Variants in CUBN observed in about 807,000 individuals in gnomAD.
CUBN encodes 460 kDa receptor.
In CUBN, 282 loss-of-function variants were observed where a neutral mutation model predicts 405.3. That is an observed-to-expected ratio of 0.70 (90% confidence interval 0.63 to 0.77). The LOEUF (loss-of-function observed/expected upper bound fraction) is 0.77, where lower values mean the gene tolerates loss of function less well. Among genes scored for constraint, CUBN ranks in the 30% least tolerant of loss-of-function variants. CUBN has a pLI of 0.00. For missense variants in CUBN, 4,514 were observed against 4,475.2 expected (o/e 1.01, Z -0.25); for synonymous variants, 1,684 against 1,617.0 (o/e 1.04, Z -0.99).
intron 27 of CUBN, among the ~76,000 whole-genome samples, chr10:17,026,066 C>T (rs1038155797): frequency 2.0e-5 from 3 of 152,156 alleles, no homozygotes; most frequent in Non-Finnish European, 2.9e-5. Context: ...TTGGGTCCTA[C>T]CCAGCCCTGT....
At chr10:16,919,627 A>G (rs1841977792) in intron 44 of CUBN, among the ~76,000 whole-genome samples, 2 of 152,200 alleles carry the variant, frequency 1.3e-5, no homozygotes, top group Admixed American at 1.3e-4. Flanking sequence ...GTGACACCGA[A>G]TATGAGGCTG....
Position 16,972,430 on chromosome 10 carries a change from CTCA to C in CUBN, c.4695+10051_4695+10053del, listed in dbSNP as rs1274477988. ...CTACTCCCTTTACTCAGTTAATGGC[CTCA>C]TCATTCACAATTTTTTTTTTTTTTG... On this transcript the variant is annotated intron_variant, in intron 31 of 66. Transcript: ENST00000377833. Among the ~76,000 whole-genome samples, 4 of 143,472 alleles carry C rather than the reference CTCA, an allele frequency of 2.8e-5. No individual in the cohort carries two copies. The East Asian group carries it at 8.5e-4, about 31-fold the overall frequency. 94.1% of individuals were successfully genotyped at this position (143,472 alleles called of 152,430 possible).
intron 50 of CUBN, among the ~76,000 whole-genome samples, 181 bp downstream of exon 50, chr10:16,906,022 G>A (rs1482805595): frequency 6.6e-6 from 1 of 152,180 alleles, no homozygotes; most frequent in Non-Finnish European, 1.5e-5. Flanking sequence ...ACTGAGGCAA[G>A]AGGATCACCT....
At chr10:17,067,404 C>T (rs1835633988) in intron 21 of CUBN, among the ~76,000 whole-genome samples, 1 of 151,970 alleles carries the variant, frequency 6.6e-6, no homozygotes, top group Admixed American at 6.6e-5. Context: ...GCAGATTAGA[C>T]ATTGCATAAG....
intron 5 of CUBN, 152 bp downstream of exon 5, chr10:17,123,436 T>TG: frequency 1.4e-6 from 1 of 711,082 alleles, no homozygotes; most frequent in South Asian, 1.6e-5. Flanking sequence ...CACCACTGTT[T>TG]GGGTTTTAGC....
At position 16,954,600 on chromosome 10, in the gene CUBN, C is replaced by CCT. The variant is rs1320098847; in HGVS notation, c.4696-54_4696-53dup. On this transcript the variant is annotated intron_variant, in intron 31 of 66. Coordinates refer to ENST00000377833, the MANE Select transcript of CUBN (RefSeq NM_001081.4). ...GTGGTTCAGATTCACATCTAGAAGG[C>CCT]CTGTATTCCACGAACTGTCTGCACG... 2.5e-6 allele frequency: 4 copies of CCT among 1,595,682 alleles called. No homozygotes were observed. In the African/African-American group the frequency reaches 4.0e-5, roughly 16 times the overall value.
intron 4 of CUBN, among the ~76,000 whole-genome samples, chr10:17,125,431 G>GT (rs1837157507): frequency 6.6e-6 from 1 of 152,084 alleles, no homozygotes; most frequent in African/African-American, 2.4e-5. Flanking sequence ...ACGTCTGGGG[G>GT]TCTCTTTATG....
intron 56 of CUBN, among the ~76,000 whole-genome samples, chr10:16,883,043 A>AAAAAGAAGG (rs1840707951): frequency 1.3e-5 from 2 of 151,752 alleles, no homozygotes; most frequent in Admixed American, 1.3e-4. Context: ...GGAAGGAAGG[A>AAAAAGAAGG]AAAAGAAGGA....
At chr10:16,924,247 A>G (rs1343309141) in intron 43 of CUBN, among the ~76,000 whole-genome samples, 1 of 152,140 alleles carries the variant, frequency 6.6e-6, no homozygotes, top group Admixed American at 6.6e-5. Flanking sequence ...CAGCATCAAG[A>G]GATGGAGGGA....
chr10:17,123,403 T>G, intron 5 of CUBN, 185 bp downstream of exon 5: 1 of 641,368 alleles, frequency 1.6e-6, no homozygotes, highest in African/African-American at 1.8e-5. Flanking sequence ...GCTTTAGTAT[T>G]TGGTGGGTTA....
At chr10:17,118,948 C>T (rs1001258068) in intron 6 of CUBN, among the ~76,000 whole-genome samples, 2 of 152,084 alleles carry the variant, frequency 1.3e-5, no homozygotes, top group Non-Finnish European at 1.5e-5. Flanking sequence ...CCTTTTATTG[C>T]CAACTTGGTT....
intron 3 of CUBN, among the ~76,000 whole-genome samples, chr10:17,127,246 GTCTC>G (rs1188395787): frequency 1.6e-5 from 2 of 125,272 alleles, no homozygotes; most frequent in South Asian, 2.7e-4. Context: ...CTCTCTTTCT[GTCTC>G]TCTCTCTCTC....
In CUBN at chr10:16,925,691, A is replaced by G; in HGVS notation, c.6355T>C (p.Ser2119Pro). 6.2e-7 allele frequency: 1 copy of G among 1,614,048 alleles called. No individual in the cohort carries two copies. The highest frequency in any genetic ancestry group is 8.5e-7 in the Non-Finnish European group (1 of 1,179,958). Residue 2119 changes from serine (S) to proline (P), a missense_variant, in exon 42 of 67, where the codon TCT (serine) becomes CCT (proline). Ser to Pro is a moderately conservative substitution (Grantham distance 74). This residue lies in a region of CUBN where 1,613 missense variants were observed against 1,542.8 expected (regional missense o/e 1.05). Coordinates refer to ENST00000377833, the MANE Select transcript of CUBN (RefSeq NM_001081.4). Reference sequence around the variant, plus strand: ...CCACTTTGGACCAGGACGTGCCAAGAACAGTTGAGGTTGGATGGGTAAGTC... The same window carrying G: ...CCACTTTGGACCAGGACGTGCCAAGGACAGTTGAGGTTGGATGGGTAAGTC... ...PETYPSNLNC[S>P]WHVLVQSGLT...
chr10:16,852,117 A>C (rs1326231992), intron 59 of CUBN, among the ~76,000 whole-genome samples: 26 of 33,580 alleles, frequency 7.7e-4, no homozygotes, highest in Admixed American at 1.2e-3. Context: ...CCCTCCCTCC[A>C]TCTTTCCCTC....
chr10:17,066,567 T>C (rs1835617866), intron 21 of CUBN, among the ~76,000 whole-genome samples: 1 of 152,052 alleles, frequency 6.6e-6, no homozygotes, highest in Admixed American at 6.6e-5. Flanking sequence ...AAAATAAAGG[T>C]AGGTGAACTA....
At chr10:16,948,367 T>A in intron 35 of CUBN, 111 bp downstream of exon 35, 1 of 1,411,646 alleles carries the variant, frequency 7.1e-7, no homozygotes, top group South Asian at 1.2e-5. Context: ...GGCCCAGAGG[T>A]GATCTCAGGA....
At chr10:16,832,801 G>A (rs906535611) in intron 64 of CUBN, among the ~76,000 whole-genome samples, 2 of 152,112 alleles carry the variant, frequency 1.3e-5, no homozygotes, top group East Asian at 1.9e-4. Context: ...CTCGGCCCTC[G>A]CTTGGTAGTA....
intron 62 of CUBN, among the ~76,000 whole-genome samples, chr10:16,839,472 T>C (rs1212194885): frequency 2.6e-5 from 4 of 151,062 alleles, no homozygotes; most frequent in Non-Finnish European, 3.0e-5. Context: ...AAAATGCTCA[T>C]CATCACTAGC....
At chr10:16,965,151 T>C (rs1232004092) in intron 31 of CUBN, among the ~76,000 whole-genome samples, 1 of 152,128 alleles carries the variant, frequency 6.6e-6, no homozygotes, top group East Asian at 1.9e-4. Context: ...TTCATCCATG[T>C]CCCTCTCTGG....
Sources: gnomAD v4.1 joint callset for allele counts (sites outside exome capture counted in the v4.1 genomes callset) on GRCh38, gnomAD v4.1.1 for gene constraint, gnomAD v4.1.1 regional missense constraint, MANE v1.5 for transcripts, NCBI Gene and HGNC (gene_info 2026-07-23, HGNC 2026-07-21) for gene names.